ABCA13: variants seen among roughly 807,000 people sequenced by gnomAD.
ABCA13 encodes the protein ATP-binding cassette sub-family A member 13.
In ABCA13, 476 loss-of-function variants were observed where a neutral mutation model predicts 478.7. That is an observed-to-expected ratio of 0.99 (90% CI 0.92 to 1.07). The LOEUF (loss-of-function observed/expected upper bound fraction) is 1.07, where lower values mean the gene tolerates loss of function less well. Ranked by LOEUF, ABCA13 falls within the 50% of genes least tolerant of loss-of-function variation. ABCA13 has a pLI of 0.00. For synonymous variants in ABCA13, 2,252 were observed against 2,158.9 expected (o/e 1.04, Z -1.20); for missense variants, 6,060 against 5,910.6 (o/e 1.03, Z -0.83).
Position 48,272,036 on chromosome 7 carries a change from T to C in ABCA13, c.2370T>C (p.Ala790=), listed in dbSNP as rs749879810. ...SLKRDPSATD[A]QKLLEFGNEV... ...AGAGAGACCCATCTGCCACTGATGC[T>C]CAGAAACTCTTGGAATTTGGCAACG... is the stretch of plus-strand genomic sequence containing the variant. Residue 790 remains alanine, a synonymous_variant, in exon 17 of 62, where the codon GCT becomes GCC. Transcript: ENST00000435803. 1.2e-6 allele frequency: 2 copies of C among 1,613,724 alleles called. No individual in the cohort carries two copies. The highest frequency in any genetic ancestry group is 1.1e-5 in the South Asian group (1 of 91,072).
intron 24 of ABCA13, 98 bp downstream of exon 24, chr7:48,310,239 T>G: frequency 7.5e-7 from 1 of 1,337,302 alleles, no homozygotes; most frequent in South Asian, 1.4e-5. Context: ...CAGTGGGAGA[T>G]CAGCACCTGG....
Position 48,272,837 on chromosome 7 carries a change from G to A in ABCA13, c.3171G>A (p.Val1057=). 1 of 1,607,202 alleles carries A rather than the reference G, an allele frequency of 6.2e-7. No individual in the cohort carries two copies. Among genetic ancestry groups the A allele is most frequent in the South Asian group, 1.1e-5 (1 of 90,264 alleles). The part of the protein sequence containing the change: ...FMSTEGQELE[V]IHTTLTGLKQ... ...CTACAGAGGGCCAAGAACTGGAAGT[G>A]ATCCACACTACTTTGACAGGCCTCA... Residue 1057 remains valine (V), a synonymous_variant, in exon 17 of 62, where the codon GTG becomes GTA. Coordinates refer to ENST00000435803, the MANE Select transcript of ABCA13 (RefSeq NM_152701.5).
At chr7:48,224,431 G>A (rs1369276007) in intron 5 of ABCA13, among the ~76,000 whole-genome samples, 1 of 152,182 alleles carries the variant, frequency 6.6e-6, no homozygotes, top group Non-Finnish European at 1.5e-5. Context: ...GTTCCTGAGA[G>A]GCTTTGAGGA....
intron 55 of ABCA13, among the ~76,000 whole-genome samples, chr7:48,532,892 CTTCTT>C (rs1392726201): frequency 4.6e-5 from 7 of 151,986 alleles, no homozygotes; most frequent in African/African-American, 7.2e-5. Flanking sequence ...AATCTTCTCT[CTTCTT>C]TTCTTGGTTA....
At position 48,273,151 on chromosome 7, in the gene ABCA13, C is replaced by T; in HGVS notation, c.3485C>T (p.Ser1162Phe). The change falls in exon 17 of 62, where the codon TCT becomes TTT. Residue 1162 changes from serine (S) to phenylalanine (F), a missense_variant. Physicochemically the swap from Ser to Phe is radical, Grantham distance 155 (BLOSUM62 -2). Coordinates refer to ENST00000435803, the MANE Select transcript of ABCA13 (RefSeq NM_152701.5). ...QMWTEIWETI[S>F]QLFKFDMNVF... ...TGGACTGAAATCTGGGAAACCATAT[C>T]TCAATTATTTAAGTTTGACATGAAT... 6.2e-7 allele frequency: 1 copy of T among 1,613,676 alleles called. No homozygotes were observed. Among genetic ancestry groups the T allele is most frequent in the South Asian group, 1.1e-5 (1 of 91,076 alleles).
At chr7:48,508,277 A>T (rs1831386976) in intron 50 of ABCA13, among the ~76,000 whole-genome samples, 1 of 152,228 alleles carries the variant, frequency 6.6e-6, no homozygotes, top group African/African-American at 2.4e-5. Flanking sequence ...CTGGGAAATT[A>T]TAGAACTTTA....
chr7:48,244,367 A>T (rs755071475), intron 10 of ABCA13, among the ~76,000 whole-genome samples: 3 of 152,202 alleles, frequency 2.0e-5, no homozygotes, highest in Non-Finnish European at 4.4e-5. Context: ...AGAATGTTTA[A>T]TCCATATTCA....
chr7:48,452,370 A>T (rs1265284685), intron 42 of ABCA13, among the ~76,000 whole-genome samples: 1 of 152,226 alleles, frequency 6.6e-6, no homozygotes, highest in Admixed American at 6.5e-5. Context: ...ATTCAAATCC[A>T]GGATTAAAAA....
chr7:48,371,012 C>T lies in ABCA13; in HGVS notation c.10804-1156C>T, dbSNP rs984852977. 9.2e-5 allele frequency among the ~76,000 whole-genome samples: 14 copies of T among 152,248 alleles called. No homozygotes were observed. In the East Asian group the frequency reaches 1.7e-3, roughly 19 times the overall value. On this transcript the variant is annotated intron_variant, in intron 32 of 61. Transcript: ENST00000435803. ...TTCTGCATATGGCTAGCCAGTTTTC[C>T]TGGTACCATTTATTAAATAGGGAAC...
intron 52 of ABCA13, among the ~76,000 whole-genome samples, chr7:48,518,160 A>C (rs1832271907): frequency 6.6e-6 from 1 of 152,238 alleles, no homozygotes; most frequent in African/African-American, 2.4e-5. Context: ...GAAAACTTGC[A>C]GAACCATTGA....
chr7:48,398,347 G>A (rs115999348), intron 38 of ABCA13, among the ~76,000 whole-genome samples: 596 of 152,198 alleles, frequency 3.9e-3, no homozygotes, highest in African/African-American at 0.012. Context: ...GATTATCAGC[G>A]CACAGAGTGT....
At chr7:48,181,593 G>A (rs36136073) in intron 1 of ABCA13, among the ~76,000 whole-genome samples, 32,391 of 150,580 alleles carry the variant, frequency 0.22, 4,131 homozygotes, top group African/African-American at 0.34. Context: ...GTAGCCTAAT[G>A]CCCTTGTTAA....
intron 27 of ABCA13, among the ~76,000 whole-genome samples, chr7:48,319,358 A>G (rs1005869699): frequency 6.6e-6 from 1 of 152,186 alleles, no homozygotes; most frequent in African/African-American, 2.4e-5. Context: ...TGCACTTGTA[A>G]AGCTGATTTT....
At chr7:48,271,395 A>T (rs931237850) in intron 16 of ABCA13, among the ~76,000 whole-genome samples, 2 of 152,192 alleles carry the variant, frequency 1.3e-5, no homozygotes, top group Non-Finnish European at 2.9e-5. Flanking sequence ...GAAACCCTAC[A>T]GGCATGGTTT....
At position 48,275,279 on chromosome 7, in the gene ABCA13, A is replaced by C. The variant is rs57187359; in HGVS notation, c.5613A>C (p.Ser1871=). Reference sequence around the variant, plus strand: ...ACCTGTCTCCCCAAGGTGAAGATTCACCATGTTCAAATGAAAGCTCCCGAA... The same window carrying C: ...ACCTGTCTCCCCAAGGTGAAGATTCCCCATGTTCAAATGAAAGCTCCCGAA... ...HFHLSPQGED[S]PCSNESSRME... is the part of the protein sequence containing the mutation. The change falls in exon 17 of 62, where the codon TCA becomes TCC. Residue 1871 remains serine, a synonymous_variant. Transcript: ENST00000435803. 4.1e-3 allele frequency: 6,636 copies of C among 1,613,896 alleles called. 244 individuals are homozygous for C. In the African/African-American group the frequency reaches 0.076, roughly 18 times the overall value.
At position 48,646,084 on chromosome 7, in the gene ABCA13, T is replaced by A. The variant is rs1292215016; in HGVS notation, c.*572T>A. The A allele has an allele frequency of 6.6e-6, 1 of 152,308 alleles. No homozygotes were observed. The highest frequency in any genetic ancestry group is 1.5e-5 in the Non-Finnish European group (1 of 68,120). 9.4% of individuals were successfully genotyped at this position (152,308 alleles called of 1,614,324 possible). A position where few individuals can be genotyped will look rare whatever the true frequency, so the allele number is the denominator to read the frequency against. On this transcript the variant is annotated 3_prime_UTR_variant, in exon 62 of 62. Transcript: ENST00000435803. ...GAAAAAATCACCAATTTTTTACATA[T>A]AAAAGATACCTTTTTAAAAAAATAG...
chr7:48,196,018 A>G (rs1032380483), intron 2 of ABCA13, among the ~76,000 whole-genome samples: 1 of 152,158 alleles, frequency 6.6e-6, no homozygotes. Context: ...AGAAACGGGC[A>G]AAACAGGGCA....
At position 48,207,824 on chromosome 7, in the gene ABCA13, A is replaced by AT. The variant is rs562232257; in HGVS notation, c.287+9469dup. Among the ~76,000 whole-genome samples the AT allele has an allele frequency of 2.5e-3, 383 of 152,032 alleles. 1 individual carries two copies. The highest frequency in any genetic ancestry group is 4.8e-3 in the Non-Finnish European group (329 of 67,922). On this transcript the variant is annotated intron_variant, in intron 3 of 61. Transcript: ENST00000435803. ...TGAGCTTGATGTGATCCATTTGTCCATTTTTACTTTTGTTGTCTGTGCTTT... is the reference window on the plus strand; with the variant it reads ...TGAGCTTGATGTGATCCATTTGTCCATTTTTTACTTTTGTTGTCTGTGCTTT...
chr7:48,455,458 G>C (rs1280028524), intron 43 of ABCA13, among the ~76,000 whole-genome samples, 172 bp downstream of exon 43: 1 of 152,220 alleles, frequency 6.6e-6, no homozygotes, highest in Non-Finnish European at 1.5e-5. Flanking sequence ...GCTCCTCTCA[G>C]GCTGTCTCAG....
Sources: allele counts gnomAD v4.1 joint callset (sites outside exome capture counted in the v4.1 genomes callset), GRCh38; gene constraint gnomAD v4.1.1; transcripts MANE v1.5; gene names NCBI Gene and HGNC (gene_info 2026-07-23, HGNC 2026-07-21).